Variants in EFNA5 observed in about 807,000 individuals in gnomAD.
EFNA5 encodes ephrin A5, also known as ephrin-A5.
Under a neutral mutation model 22.9 loss-of-function variants are expected in EFNA5, and 5 were observed. The ratio of observed to expected loss-of-function variants is 0.22; its 90% CI spans 0.11 to 0.46. The LOEUF is 0.46. Among genes scored for constraint, EFNA5 ranks in the 20% least tolerant of loss-of-function variants. The pLI, the probability that EFNA5 is intolerant of heterozygous loss-of-function variation, is 0.99. For synonymous variants in EFNA5, 113 were observed against 112.2 expected (o/e 1.01, Z -0.04); for missense variants, 237 against 293.3 (o/e 0.81, Z 1.40).
chr5:107,657,569 T>C (rs543362272), intron 1 of EFNA5, among the ~76,000 whole-genome samples: 3 of 152,280 alleles, frequency 2.0e-5, no homozygotes, highest in East Asian at 1.9e-4. Flanking sequence ...CCATTGAGGA[T>C]TTAAAAAGAA....
intron 1 of EFNA5, among the ~76,000 whole-genome samples, chr5:107,607,296 A>G (rs1749743547): frequency 6.6e-6 from 1 of 152,236 alleles, no homozygotes; most frequent in South Asian, 2.1e-4. Context: ...CCGGGTGGGA[A>G]GCACACTCGC....
chr5:107,642,516 A>C (rs2112545506), intron 1 of EFNA5, among the ~76,000 whole-genome samples: 1 of 151,924 alleles, frequency 6.6e-6, no homozygotes, highest in Admixed American at 6.6e-5. Flanking sequence ...ATCGATTCTC[A>C]ACCCTCCAAA....
chr5:107,628,111 T>C (rs1415134302), intron 1 of EFNA5, among the ~76,000 whole-genome samples: 1 of 152,210 alleles, frequency 6.6e-6, no homozygotes, highest in Non-Finnish European at 1.5e-5. Flanking sequence ...CACTGTGAGA[T>C]AGGTATTGTT....
At chr5:107,487,433 T>C (rs896670037) in intron 1 of EFNA5, among the ~76,000 whole-genome samples, 1 of 152,206 alleles carries the variant, frequency 6.6e-6, no homozygotes, top group African/African-American at 2.4e-5. Flanking sequence ...CCAGAGCATC[T>C]AGCACAGTAT....
intron 1 of EFNA5, among the ~76,000 whole-genome samples, chr5:107,525,423 A>G (rs1747674761): frequency 6.6e-6 from 1 of 152,180 alleles, no homozygotes. Flanking sequence ...AGCACCTTAC[A>G]TTTGACCAAC....
At chr5:107,563,948 T>G (rs958849660) in intron 1 of EFNA5, among the ~76,000 whole-genome samples, 2 of 152,214 alleles carry the variant, frequency 1.3e-5, no homozygotes, top group African/African-American at 2.4e-5. Context: ...TACAAACAAC[T>G]TCTCAGTTTA....
intron 1 of EFNA5, among the ~76,000 whole-genome samples, chr5:107,539,123 C>T (rs2112458591): frequency 6.6e-6 from 1 of 152,354 alleles, no homozygotes; most frequent in Non-Finnish European, 1.5e-5. Context: ...TGCCTGGAAA[C>T]ACTGGGTTCT....
chr5:107,570,385 A>G (rs1748775985), intron 1 of EFNA5, among the ~76,000 whole-genome samples: 1 of 152,230 alleles, frequency 6.6e-6, no homozygotes, highest in South Asian at 2.1e-4. Flanking sequence ...TATCAAGGGA[A>G]CATGCTGAGC....
chr5:107,381,274 G>T lies in EFNA5; in HGVS notation c.668C>A (p.Ala223Glu). The change falls in exon 5 of 5, where the codon GCG becomes GAG. Residue 223 changes from alanine to glutamate, a missense_variant. Physicochemically the swap from Ala to Glu is moderately radical, Grantham distance 107. Around this residue, in one of 3 missense-constraint regions of EFNA5, gnomAD observed 104 missense variants for 114.5 expected, o/e 0.91. Transcript: ENST00000333274. The stretch of plus-strand genomic sequence containing the variant: ...ACTGTGCTATAATGTCAAAAGCATC[G>T]CCAGGAGGAACAGTAGGATTGCCAA... ...RLLAILLFLL[A>E]MLLTL 2 of 1,613,890 alleles carry T rather than the reference G, an allele frequency of 1.2e-6. No homozygotes were observed. Among genetic ancestry groups the T allele is most frequent in the Non-Finnish European group, 1.7e-6 (2 of 1,179,856 alleles).
At chr5:107,619,647 A>G (rs1017344321) in intron 1 of EFNA5, among the ~76,000 whole-genome samples, 3 of 151,994 alleles carry the variant, frequency 2.0e-5, no homozygotes, top group Non-Finnish European at 4.4e-5. Flanking sequence ...ATTTTTTAGC[A>G]GAGACGGGGT....
chr5:107,656,874 A>G (rs777467928), intron 1 of EFNA5, among the ~76,000 whole-genome samples: 2 of 152,144 alleles, frequency 1.3e-5, no homozygotes, highest in Non-Finnish European at 2.9e-5. Flanking sequence ...AAAAAATTTT[A>G]ACAGACAAGT....
chr5:107,645,079 G>A (rs1561458547), intron 1 of EFNA5, among the ~76,000 whole-genome samples: 1 of 152,120 alleles, frequency 6.6e-6, no homozygotes, highest in African/African-American at 2.4e-5. Flanking sequence ...GTGCCATGGT[G>A]GTTTGCTGCA....
intron 1 of EFNA5, among the ~76,000 whole-genome samples, chr5:107,500,455 A>T (rs891303078): frequency 1.3e-5 from 2 of 152,216 alleles, no homozygotes; most frequent in South Asian, 4.1e-4. Flanking sequence ...AGCTTCACAT[A>T]AAGCAAAGAC....
At chr5:107,639,524 A>G (rs1750457474) in intron 1 of EFNA5, among the ~76,000 whole-genome samples, 1 of 152,244 alleles carries the variant, frequency 6.6e-6, no homozygotes, top group Non-Finnish European at 1.5e-5. Flanking sequence ...GACTTTACAT[A>G]TGCACAGTGC....
intron 2 of EFNA5, among the ~76,000 whole-genome samples, chr5:107,420,010 C>T (rs1303143691): frequency 1.3e-5 from 2 of 152,076 alleles, no homozygotes; most frequent in African/African-American, 2.4e-5. Flanking sequence ...CATTTTGACA[C>T]TCTTCTATTT....
intron 1 of EFNA5, among the ~76,000 whole-genome samples, chr5:107,563,205 T>C (rs1337233769): frequency 1.3e-5 from 2 of 152,108 alleles, no homozygotes; most frequent in African/African-American, 4.8e-5. Context: ...AGATCACTCT[T>C]ATTTGCTATT....
intron 1 of EFNA5, among the ~76,000 whole-genome samples, chr5:107,521,895 T>G (rs1246480410): frequency 6.6e-6 from 1 of 152,168 alleles, no homozygotes; most frequent in Non-Finnish European, 1.5e-5. Context: ...ACAGGATCAG[T>G]GATCATTGCA....
chr5:107,410,211 T>C (rs1264634801), intron 2 of EFNA5, among the ~76,000 whole-genome samples: 4 of 151,982 alleles, frequency 2.6e-5, no homozygotes, highest in Admixed American at 2.6e-4. Context: ...TTTGTATTTT[T>C]AGTAGAGACG....
chr5:107,622,226 T>C (rs1266211832), intron 1 of EFNA5, among the ~76,000 whole-genome samples: 2 of 152,196 alleles, frequency 1.3e-5, no homozygotes, highest in Admixed American at 6.5e-5. Context: ...GCAGCCATTG[T>C]GAGCCATAAG....
Sources: gnomAD v4.1 joint callset for allele counts (sites outside exome capture counted in the v4.1 genomes callset) on GRCh38, gnomAD v4.1.1 for gene constraint, gnomAD v4.1.1 regional missense constraint, MANE v1.5 for transcripts, NCBI Gene and HGNC (gene_info 2026-07-23, HGNC 2026-07-21) for gene names.